NKAIN2: variants seen among roughly 807,000 people sequenced by gnomAD.
NKAIN2 encodes the protein sodium/potassium transporting ATPase interacting 2.
Under a neutral mutation model 32.6 loss-of-function variants are expected in NKAIN2, and 14 were observed. The observed-to-expected ratio is 0.43, with a 90% CI of 0.28 to 0.67. The LOEUF (loss-of-function observed/expected upper bound fraction) is 0.67, where lower values mean the gene tolerates loss of function less well. Among genes scored for constraint, NKAIN2 ranks in the 30% least tolerant of loss-of-function variants. NKAIN2 has a pLI of 0.17. For missense variants in NKAIN2, 198 were observed against 258.3 expected (o/e 0.77, Z 1.60); for synonymous variants, 80 against 87.2 (o/e 0.92, Z 0.46).
chr6:124,100,283 G>T (rs1784821333), intron 1 of NKAIN2, among the ~76,000 whole-genome samples: 1 of 152,120 alleles, frequency 6.6e-6, no homozygotes. Flanking sequence ...AATCTAAAAA[G>T]AACTCAATGG....
chr6:124,675,388 G>T (rs1395570992), intron 4 of NKAIN2, among the ~76,000 whole-genome samples: 1 of 151,996 alleles, frequency 6.6e-6, no homozygotes, highest in Non-Finnish European at 1.5e-5. Context: ...TCTGATATCA[G>T]GACAATGTTG....
rs61191593 is a variant in NKAIN2, at chr6:124,476,065, AGTGTGTGT to A, written c.273+120744_273+120751del. Among the ~76,000 whole-genome samples, 677 of 132,514 alleles carry A rather than the reference AGTGTGTGT, an allele frequency of 5.1e-3. 3 individuals are homozygous for A. The highest frequency in any genetic ancestry group is 0.015 in the African/African-American group (509 of 34,776). The allele number at this position is 132,514 out of a possible 152,430, so 86.9% of individuals were successfully genotyped here. A position where few individuals can be genotyped will look rare whatever the true frequency, so the allele number is the denominator to read the frequency against. On this transcript the variant is annotated intron_variant, in intron 3 of 6. Transcript: ENST00000368417. ...GTGTGTGTGAGAGAGAGAGAGAGAG[AGTGTGTGT>A]GTGTGTGTGTGTGTGTGTGTGTGTG...
intron 1 of NKAIN2, among the ~76,000 whole-genome samples, chr6:124,074,929 T>A (rs1226177796): frequency 6.6e-6 from 1 of 152,208 alleles, no homozygotes; most frequent in African/African-American, 2.4e-5. Flanking sequence ...ATCTATTTAG[T>A]CTTCACGTTT....
At chr6:123,965,401 A>C (rs1354586353) in intron 1 of NKAIN2, among the ~76,000 whole-genome samples, 2 of 152,214 alleles carry the variant, frequency 1.3e-5, no homozygotes, top group African/African-American at 4.8e-5. Context: ...TGGGAAATTT[A>C]GGCTTAGGAG....
intron 3 of NKAIN2, among the ~76,000 whole-genome samples, chr6:124,445,555 A>AT: frequency 1.3e-5 from 2 of 152,034 alleles, no homozygotes; most frequent in African/African-American, 4.8e-5. Context: ...AATGTGATCA[A>AT]TTTTTTTTCC....
chr6:124,335,883 C>T (rs1797840816), intron 2 of NKAIN2, among the ~76,000 whole-genome samples: 2 of 151,786 alleles, frequency 1.3e-5, no homozygotes, highest in African/African-American at 2.4e-5. Flanking sequence ...TTTTTGTTTG[C>T]TTCTTTGTCT....
intron 1 of NKAIN2, among the ~76,000 whole-genome samples, chr6:123,947,654 G>A (rs1318684984): frequency 6.6e-6 from 1 of 151,976 alleles, no homozygotes; most frequent in Admixed American, 6.6e-5. Flanking sequence ...CCTATTTATG[G>A]GGTACAGGTG....
chr6:124,375,574 G>A (rs1466734458), intron 3 of NKAIN2, among the ~76,000 whole-genome samples: 2 of 151,362 alleles, frequency 1.3e-5, no homozygotes, highest in East Asian at 3.9e-4. Flanking sequence ...ACATCATTTA[G>A]GTATCAGTAA....
chr6:124,343,173 A>G (rs1466173502), intron 2 of NKAIN2, among the ~76,000 whole-genome samples: 1 of 151,966 alleles, frequency 6.6e-6, no homozygotes. Context: ...ATCATTTTTT[A>G]TGGCTGCATA....
chr6:124,094,894 G>T (rs909733411), intron 1 of NKAIN2, among the ~76,000 whole-genome samples: 5 of 152,042 alleles, frequency 3.3e-5, no homozygotes, highest in African/African-American at 4.8e-5. Context: ...GAAAGTTTAA[G>T]ATTCACTTTT....
chr6:124,399,934 G>T (rs1773556489), intron 3 of NKAIN2, among the ~76,000 whole-genome samples: 1 of 152,020 alleles, frequency 6.6e-6, no homozygotes, highest in South Asian at 2.1e-4. Flanking sequence ...AACATTTAGA[G>T]AAAAGAAAAA....
chr6:124,410,452 C>G (rs944091420), intron 3 of NKAIN2, among the ~76,000 whole-genome samples: 1 of 152,028 alleles, frequency 6.6e-6, no homozygotes, highest in Non-Finnish European at 1.5e-5. Flanking sequence ...CGTTATGTAC[C>G]CAGTAGTCAT....
At chr6:124,137,096 T>A (rs946786881) in intron 1 of NKAIN2, among the ~76,000 whole-genome samples, 1 of 152,056 alleles carries the variant, frequency 6.6e-6, no homozygotes, top group African/African-American at 2.4e-5. Flanking sequence ...TATTATTGTA[T>A]ACTTAAAAAA....
At chr6:123,808,016 ATGT>A (rs962353305) in intron 1 of NKAIN2, among the ~76,000 whole-genome samples, 4 of 152,214 alleles carry the variant, frequency 2.6e-5, no homozygotes, top group Middle Eastern at 3.4e-3. Context: ...TTTCCTTAAG[ATGT>A]TGTGAGTGTA....
chr6:124,391,093 A>G (rs1014865428), intron 3 of NKAIN2: 1 of 152,162 alleles, frequency 6.6e-6, no homozygotes, highest in Non-Finnish European at 1.5e-5. Flanking sequence ...CTATATTTCC[A>G]TAACCTGTGC....
intron 3 of NKAIN2, among the ~76,000 whole-genome samples, chr6:124,406,397 A>G (rs1436269991): frequency 6.6e-6 from 1 of 152,176 alleles, no homozygotes; most frequent in Non-Finnish European, 1.5e-5. Context: ...ATGTTGCAGC[A>G]TATACCAATA....
intron 1 of NKAIN2, among the ~76,000 whole-genome samples, chr6:124,272,779 G>A (rs1794854306): frequency 6.6e-6 from 1 of 152,156 alleles, no homozygotes; most frequent in Non-Finnish European, 1.5e-5. Context: ...AGTGCACAGG[G>A]GTAGAGCTTC....
chr6:123,822,005 A>G (rs1773944539), intron 1 of NKAIN2, among the ~76,000 whole-genome samples: 1 of 152,148 alleles, frequency 6.6e-6, no homozygotes, highest in African/African-American at 2.4e-5. Context: ...AGAAAATATG[A>G]TTCAGATTAA....
chr6:124,581,364 G>A (rs916732052), intron 3 of NKAIN2, among the ~76,000 whole-genome samples: 1 of 148,554 alleles, frequency 6.7e-6, no homozygotes, highest in African/African-American at 2.5e-5. Context: ...GCGTGAACCC[G>A]GGAAGCGGAG....
Sources: gnomAD v4.1 joint callset for allele counts (sites outside exome capture counted in the v4.1 genomes callset) on GRCh38, gnomAD v4.1.1 for gene constraint, MANE v1.5 for transcripts, NCBI Gene and HGNC (gene_info 2026-07-23, HGNC 2026-07-21) for gene names.